HDAC9: variants seen among roughly 807,000 people sequenced by gnomAD.
HDAC9 encodes histone deacetylase 9.
HDAC9 carries 41 observed loss-of-function variants against 139.4 expected under a neutral mutation model. The observed-to-expected ratio is 0.29, with a 90% CI of 0.23 to 0.38. The LOEUF is 0.38. Among genes scored for constraint, HDAC9 ranks in the 10% least tolerant of loss-of-function variants. HDAC9 has a pLI of 1.00. For synonymous variants in HDAC9, 517 were observed against 476.2 expected (o/e 1.09, Z -1.12); for missense variants, 1,147 against 1,297.0 (o/e 0.88, Z 1.78).
At chr7:18,435,356 C>T (rs987541345) in intron 1 of HDAC9, among the ~76,000 whole-genome samples, 1 of 151,930 alleles carries the variant, frequency 6.6e-6, no homozygotes, top group Admixed American at 6.6e-5. Flanking sequence ...ACCCCCAAGA[C>T]ATGCAATTTA....
chr7:18,433,500 A>G (rs75345627), intron 1 of HDAC9, among the ~76,000 whole-genome samples: 132 of 152,230 alleles, frequency 8.7e-4, no homozygotes, highest in Non-Finnish European at 1.5e-3. Flanking sequence ...CCCAAAAGCT[A>G]TAGTCTCTGC....
intron 24 of HDAC9, among the ~76,000 whole-genome samples, chr7:18,954,843 C>A (rs912457342): frequency 3.3e-5 from 5 of 151,954 alleles, no homozygotes; most frequent in Admixed American, 1.3e-4. Flanking sequence ...ACAGGAAAAC[C>A]CTTAGGTTTG....
At chr7:18,377,696 G>T (rs1303932966) in intron 1 of HDAC9, among the ~76,000 whole-genome samples, 2 of 152,008 alleles carry the variant, frequency 1.3e-5, no homozygotes, top group East Asian at 3.9e-4. Flanking sequence ...AAATTGGGTG[G>T]ACTATGGATT....
intron 14 of HDAC9, among the ~76,000 whole-genome samples, chr7:18,750,405 C>G (rs991050409): frequency 3.0e-5 from 4 of 132,442 alleles, no homozygotes; most frequent in Non-Finnish European, 6.3e-5. Context: ...TACCACAACA[C>G]CATGTACAGA....
At chr7:18,426,062 C>A (rs887428887) in intron 1 of HDAC9, among the ~76,000 whole-genome samples, 1 of 152,054 alleles carries the variant, frequency 6.6e-6, no homozygotes, top group East Asian at 1.9e-4. Flanking sequence ...CACACAATTG[C>A]GGAAATGCAG....
chr7:18,201,456 C>T (rs1791118909), intron 2 of HDAC9, among the ~76,000 whole-genome samples: 1 of 152,146 alleles, frequency 6.6e-6, no homozygotes, highest in South Asian at 2.1e-4. Flanking sequence ...GCTTCTTATG[C>T]CTTTAACAGT....
intron 2 of HDAC9, among the ~76,000 whole-genome samples, chr7:18,272,944 CTACTACTACTACTACTA>C (rs1796453731): frequency 6.7e-6 from 1 of 150,186 alleles, no homozygotes. Context: ...ACTACTACTA[CTACTACTACTACTACTA>C]CTACTATTTC....
chr7:18,935,689 G>A, intron 22 of HDAC9, 120 bp from the exon 23 acceptor site: 2 of 814,504 alleles, frequency 2.5e-6, no homozygotes, highest in East Asian at 2.5e-5. Flanking sequence ...AGTATTGGAT[G>A]AGTTAGCACA....
intron 1 of HDAC9, among the ~76,000 whole-genome samples, chr7:18,447,442 G>A (rs1330545246): frequency 6.6e-6 from 1 of 152,122 alleles, no homozygotes; most frequent in Non-Finnish European, 1.5e-5. Flanking sequence ...ACCTTGAGAT[G>A]TGTCTAGTTT....
intron 1 of HDAC9, among the ~76,000 whole-genome samples, chr7:18,405,368 G>T (rs1485579571): frequency 6.6e-6 from 1 of 152,018 alleles, no homozygotes; most frequent in Non-Finnish European, 1.5e-5. Context: ...ATTGATTCCT[G>T]TTCTAGATTG....
At chr7:18,628,523 A>T (rs1781389814) in intron 6 of HDAC9, among the ~76,000 whole-genome samples, 2 of 152,174 alleles carry the variant, frequency 1.3e-5, no homozygotes, top group South Asian at 4.1e-4. Context: ...CTGCACAGAG[A>T]TGCAATCCAA....
intron 1 of HDAC9, among the ~76,000 whole-genome samples, chr7:18,388,151 G>A (rs138619766): frequency 1.2e-3 from 189 of 152,276 alleles, no homozygotes; most frequent in African/African-American, 4.4e-3. Context: ...CGACGTAAAT[G>A]TTATGACTAA....
At chr7:18,244,425 T>A in intron 2 of HDAC9, among the ~76,000 whole-genome samples, 1 of 152,210 alleles carries the variant, frequency 6.6e-6, no homozygotes, top group Admixed American at 6.5e-5. Context: ...AAAACTTGCT[T>A]CATGGAAGGG....
intron 2 of HDAC9, among the ~76,000 whole-genome samples, chr7:18,192,705 G>A (rs1344798440): frequency 6.6e-6 from 1 of 152,154 alleles, no homozygotes; most frequent in East Asian, 1.9e-4. Flanking sequence ...CAGTGCTCAT[G>A]AAATCAATTT....
chr7:18,905,187 G>A (rs868206314), intron 22 of HDAC9, among the ~76,000 whole-genome samples: 4 of 152,058 alleles, frequency 2.6e-5, no homozygotes, highest in Admixed American at 6.5e-5. Flanking sequence ...CACTGCGCCC[G>A]GCCCAGCCTC....
At chr7:18,700,751 A>G (rs2129104434) in intron 12 of HDAC9, among the ~76,000 whole-genome samples, 1 of 152,296 alleles carries the variant, frequency 6.6e-6, no homozygotes, top group South Asian at 2.1e-4. Flanking sequence ...GCCTCTCTCC[A>G]CATGGTTGTC....
intron 12 of HDAC9, among the ~76,000 whole-genome samples, chr7:18,720,667 TTTTC>T: frequency 6.6e-6 from 1 of 151,278 alleles, no homozygotes; most frequent in Admixed American, 6.6e-5. Context: ...TTTTATGCTC[TTTTC>T]TTTTTTTTTT....
intron 24 of HDAC9, among the ~76,000 whole-genome samples, chr7:18,967,817 A>G (rs56970173): frequency 0.057 from 8,740 of 152,308 alleles, 301 homozygotes; most frequent in Middle Eastern, 0.085. Context: ...CATAGAGTAA[A>G]TAAAATACAC....
chr7:18,603,879 CCTT>C (rs1177813447), intron 6 of HDAC9, among the ~76,000 whole-genome samples: 1 of 152,050 alleles, frequency 6.6e-6, no homozygotes, highest in African/African-American at 2.4e-5. Flanking sequence ...CTTTATTTCT[CCTT>C]CTTGTTTGGG....
Sources: allele counts gnomAD v4.1 joint callset (sites outside exome capture counted in the v4.1 genomes callset), GRCh38; gene constraint gnomAD v4.1.1; transcripts MANE v1.5; gene names NCBI Gene and HGNC (gene_info 2026-07-23, HGNC 2026-07-21).